EXOC6: variants seen among roughly 807,000 people sequenced by gnomAD.
The protein encoded by EXOC6 is exocyst complex component 6, also known as SEC15-like 1.
A neutral mutation model predicts 112.5 loss-of-function variants in EXOC6; 60 were observed. The ratio of observed to expected loss-of-function variants is 0.53; its 90% confidence interval spans 0.43 to 0.66. The LOEUF (loss-of-function observed/expected upper bound fraction) is 0.66, where lower values mean the gene tolerates loss of function less well. EXOC6 is among the 30% of genes least tolerant of loss of function. EXOC6 has a pLI of 0.00. For missense variants in EXOC6, 855 were observed against 957.1 expected (o/e 0.89, Z 1.41); for synonymous variants, 295 against 308.0 (o/e 0.96, Z 0.44).
intron 1 of EXOC6, among the ~76,000 whole-genome samples, chr10:92,866,866 C>T (rs1435576961): frequency 6.6e-6 from 1 of 152,132 alleles, no homozygotes; most frequent in African/African-American, 2.4e-5. Flanking sequence ...ACACATTTAA[C>T]ATATTAGAAG....
chr10:92,972,526 C>T (rs1334834534), intron 17 of EXOC6, among the ~76,000 whole-genome samples: 1 of 152,036 alleles, frequency 6.6e-6, no homozygotes, highest in African/African-American at 2.4e-5. Flanking sequence ...TGTGGTGCCA[C>T]CTGTTTTTAC....
Position 93,023,864 on chromosome 10 carries a change from CATTCTT to C in EXOC6, c.2169+9599_2169+9604del, listed in dbSNP as rs529763866. Reference sequence around the variant, plus strand: ...TTTATAACTTATTTTTTTAATAACTCATTCTTAATACATAGAGATATTTCACTAAAT... The same window carrying C: ...TTTATAACTTATTTTTTTAATAACTCAATACATAGAGATATTTCACTAAAT... On this transcript the variant is annotated intron_variant, in intron 20 of 21. Transcript: ENST00000260762. Among the ~76,000 whole-genome samples, 104 of 152,138 alleles carry C rather than the reference CATTCTT, an allele frequency of 6.8e-4. 1 individual carries two copies. In the Middle Eastern group the frequency reaches 0.014, roughly 20 times the overall value.
intron 6 of EXOC6, among the ~76,000 whole-genome samples, chr10:92,911,084 A>G (rs1181472921): frequency 1.9e-5 from 2 of 104,916 alleles, no homozygotes; most frequent in Non-Finnish European, 2.0e-5. Context: ...AAATAATTAA[A>G]TTTTCTAAGA....
At chr10:92,895,122 T>A in intron 4 of EXOC6, 102 bp downstream of exon 4, 1 of 732,260 alleles carries the variant, frequency 1.4e-6, no homozygotes, top group South Asian at 1.6e-5. Context: ...GATTATTTGG[T>A]GATTGCCTCA....
At chr10:92,841,873 T>A (rs115485227) in intron 1 of EXOC6, among the ~76,000 whole-genome samples, 218 of 152,334 alleles carry the variant, frequency 1.4e-3, no homozygotes, top group African/African-American at 5.1e-3. Flanking sequence ...TAATGTCTCA[T>A]AGCAAATGCT....
intron 1 of EXOC6, among the ~76,000 whole-genome samples, chr10:92,870,902 GT>G (rs758207603): frequency 6.6e-6 from 1 of 152,004 alleles, no homozygotes; most frequent in Non-Finnish European, 1.5e-5. Flanking sequence ...TAGAGATGGG[GT>G]TTCACCATGT....
intron 6 of EXOC6, among the ~76,000 whole-genome samples, chr10:92,910,000 T>TTTAA (rs1204534144): frequency 2.0e-5 from 3 of 152,248 alleles, no homozygotes; most frequent in Non-Finnish European, 4.4e-5. Flanking sequence ...CTGTTCTCTA[T>TTTAA]TTAAAACAAA....
intron 1 of EXOC6, among the ~76,000 whole-genome samples, chr10:92,887,944 T>C (rs527940590): frequency 6.6e-6 from 1 of 152,266 alleles, no homozygotes; most frequent in African/African-American, 2.4e-5. Flanking sequence ...TGCTCATTGA[T>C]ATGGGTTGTG....
chr10:93,021,233 G>GCACTTGGGAGGCTGAGGTAGGAGGAT (rs1844771456), intron 20 of EXOC6, among the ~76,000 whole-genome samples: 1 of 152,024 alleles, frequency 6.6e-6, no homozygotes, highest in Admixed American at 6.6e-5. Flanking sequence ...TGTAATCCCA[G>GCACTTGGGAGGCTGAGGTAGGAGGAT]CACTTGGGAG....
chr10:92,899,273 T>G (rs1468638906), intron 4 of EXOC6, among the ~76,000 whole-genome samples: 1 of 152,144 alleles, frequency 6.6e-6, no homozygotes, highest in African/African-American at 2.4e-5. Context: ...GGAAGAAATA[T>G]TAGTAGTTTC....
At chr10:92,908,057 C>CTTTTTTTTTT (rs10632745) in intron 5 of EXOC6, among the ~76,000 whole-genome samples, 1 of 100,706 alleles carries the variant, frequency 9.9e-6, no homozygotes, top group Non-Finnish European at 1.8e-5. Flanking sequence ...AATATAATGT[C>CTTTTTTTTTT]TTTTTTTTTT....
intron 6 of EXOC6, among the ~76,000 whole-genome samples, chr10:92,912,061 G>A (rs1470040966): frequency 1.3e-5 from 2 of 150,948 alleles, no homozygotes; most frequent in Non-Finnish European, 2.9e-5. Context: ...AATCTTCTAG[G>A]TGGCATGAGT....
At chr10:92,973,688 A>G (rs1163819982) in intron 17 of EXOC6, among the ~76,000 whole-genome samples, 1 of 152,190 alleles carries the variant, frequency 6.6e-6, no homozygotes, top group African/African-American at 2.4e-5. Flanking sequence ...GCTCTCAGTG[A>G]ATCAGGGGTT....
chr10:92,910,671 C>T (rs1420982804), intron 6 of EXOC6, among the ~76,000 whole-genome samples: 1 of 152,106 alleles, frequency 6.6e-6, no homozygotes, highest in Admixed American at 6.6e-5. Context: ...TGGCTCACAC[C>T]TGTAATCCCA....
At chr10:92,861,534 C>CT (rs34731456) in intron 1 of EXOC6, among the ~76,000 whole-genome samples, 1,742 of 149,374 alleles carry the variant, frequency 0.012, 18 homozygotes, top group Non-Finnish European at 0.019. Flanking sequence ...CCATACTCAC[C>CT]TTTTTTTTTT....
chr10:93,039,026 C>G (rs1422914458), intron 20 of EXOC6, among the ~76,000 whole-genome samples: 2 of 151,926 alleles, frequency 1.3e-5, no homozygotes, highest in Non-Finnish European at 2.9e-5. Context: ...TATATACCAT[C>G]TATTAAAAAA....
chr10:92,946,064 G>T (rs1030908381), intron 13 of EXOC6, among the ~76,000 whole-genome samples: 2 of 151,926 alleles, frequency 1.3e-5, no homozygotes, highest in Admixed American at 6.6e-5. Flanking sequence ...GCCAAGGTGG[G>T]TGGATCACCA....
At chr10:92,894,487 C>T (rs182899383) in intron 2 of EXOC6, among the ~76,000 whole-genome samples, 1 of 152,188 alleles carries the variant, frequency 6.6e-6, no homozygotes, top group African/African-American at 2.4e-5. Context: ...CAAAAGGGGA[C>T]CAGTGGTCAA....
At chr10:93,019,209 G>A (rs1222409074) in intron 20 of EXOC6, among the ~76,000 whole-genome samples, 2 of 152,044 alleles carry the variant, frequency 1.3e-5, no homozygotes, top group East Asian at 3.9e-4. Context: ...TGAACTCCAG[G>A]GCTCAAGCAA....
Sources: allele counts gnomAD v4.1 joint callset (sites outside exome capture counted in the v4.1 genomes callset), GRCh38; gene constraint gnomAD v4.1.1; transcripts MANE v1.5; gene names NCBI Gene and HGNC (gene_info 2026-07-23, HGNC 2026-07-21).